Variants in NELL1 observed in about 807,000 individuals in gnomAD.
The protein encoded by NELL1 is protein kinase C-binding protein NELL1.
Under a neutral mutation model 107.4 loss-of-function variants are expected in NELL1, and 76 were observed. The ratio of observed to expected loss-of-function variants is 0.71; its 90% CI spans 0.59 to 0.86. The LOEUF is 0.86. NELL1 is among the 40% of genes least tolerant of loss of function. The pLI is 0.00. For synonymous variants in NELL1, 353 were observed against 341.2 expected (o/e 1.03, Z -0.38); for missense variants, 1,024 against 1,005.5 (o/e 1.02, Z -0.25).
intron 15 of NELL1, among the ~76,000 whole-genome samples, chr11:21,515,878 C>G (rs1381600509): frequency 4.6e-5 from 7 of 152,150 alleles, no homozygotes; most frequent in Non-Finnish European, 1.0e-4. Context: ...AAATGAAGCT[C>G]TAATGAGCTG....
Position 21,067,981 on chromosome 11 carries a change from C to T in NELL1, c.1301-45608C>T, listed in dbSNP as rs556392933. Among the ~76,000 whole-genome samples, 10 of 118,366 alleles carry T rather than the reference C, an allele frequency of 8.4e-5. No individual in the cohort carries two copies. In the East Asian group the frequency reaches 8.6e-4, roughly 10 times the overall value. 77.7% of individuals were successfully genotyped at this position (118,366 alleles called of 152,430 possible). A position where few individuals can be genotyped will look rare whatever the true frequency, so the allele number is the denominator to read the frequency against. ...TCGGGAGGCGGAGGTTGTAGTGAGC[C>T]GAGATTGCATCACTGCACTCCAGCC... On this transcript the variant is annotated intron_variant, in intron 12 of 19. Coordinates refer to ENST00000357134, the MANE Select transcript of NELL1 (RefSeq NM_006157.5).
At position 20,877,424 on chromosome 11, in the gene NELL1, A is replaced by G. The variant is rs569188412; in HGVS notation, c.507-8020A>G. On this transcript the variant is annotated intron_variant, in intron 4 of 19. Coordinates refer to ENST00000357134, the MANE Select transcript of NELL1 (RefSeq NM_006157.5). ...AAAGGTACTGTGGAGTCTCTTCAAA[A>G]ACCTTCCTTTATCCAGGTAAATAAA... Among the ~76,000 whole-genome samples the G allele has an allele frequency of 7.9e-5, 12 of 152,328 alleles. No individual in the cohort carries two copies. In the South Asian group the frequency reaches 2.5e-3, roughly 32 times the overall value.
In NELL1 at chr11:20,888,351, T is replaced by C. The variant is rs1370177464; in HGVS notation, c.603+2811T>C. 2.0e-5 allele frequency among the ~76,000 whole-genome samples: 3 copies of C among 151,810 alleles called. No individual in the cohort carries two copies. The East Asian group carries it at 5.8e-4, about 29-fold the overall frequency. On this transcript the variant is annotated intron_variant, in intron 5 of 19. Transcript: ENST00000357134. The stretch of plus-strand genomic sequence containing the variant: ...AATATGTATGCATATCTATATAAAA[T>C]GGCTGTTCTGATGCCTCTATGTTTT...
chr11:20,903,432 G>A (rs1849921993), intron 5 of NELL1, among the ~76,000 whole-genome samples: 1 of 151,974 alleles, frequency 6.6e-6, no homozygotes, highest in African/African-American at 2.4e-5. Flanking sequence ...TGTACACTTA[G>A]ACCTCCTCAT....
chr11:20,701,226 T>C (rs997842340), intron 2 of NELL1, among the ~76,000 whole-genome samples: 1 of 152,156 alleles, frequency 6.6e-6, no homozygotes, highest in Non-Finnish European at 1.5e-5. Flanking sequence ...TGGTATCTCA[T>C]TGTGGTTTTG....
At chr11:21,094,019 A>G (rs906765812) in intron 12 of NELL1, among the ~76,000 whole-genome samples, 2 of 152,218 alleles carry the variant, frequency 1.3e-5, no homozygotes, top group African/African-American at 4.8e-5. Context: ...TCCACAGTCG[A>G]AAGTCTCATC....
chr11:21,383,270 G>A (rs919571565), intron 15 of NELL1, among the ~76,000 whole-genome samples: 14 of 87,972 alleles, frequency 1.6e-4, no homozygotes, highest in African/African-American at 4.8e-4. Context: ...AGCAGTATTC[G>A]GTTTTTTTGG....
intron 14 of NELL1, among the ~76,000 whole-genome samples, chr11:21,265,187 C>T (rs992332848): frequency 6.6e-6 from 1 of 151,986 alleles, no homozygotes; most frequent in African/African-American, 2.4e-5. Flanking sequence ...CTATAAACAC[C>T]TCTATTTCAG....
chr11:21,291,439 C>T (rs2133960183), intron 14 of NELL1, among the ~76,000 whole-genome samples: 1 of 151,930 alleles, frequency 6.6e-6, no homozygotes, highest in African/African-American at 2.4e-5. Flanking sequence ...AATAGACTAC[C>T]AGCCAGAAAA....
At chr11:21,405,881 A>G (rs564983970) in intron 15 of NELL1, among the ~76,000 whole-genome samples, 24 of 151,948 alleles carry the variant, frequency 1.6e-4, no homozygotes, top group Non-Finnish European at 3.1e-4. Context: ...TTTTAACTAC[A>G]TTAGTCCTGA....
chr11:20,913,204 CATATATTTACA>C (rs1219487423), intron 5 of NELL1, among the ~76,000 whole-genome samples: 7 of 152,104 alleles, frequency 4.6e-5, no homozygotes, highest in African/African-American at 7.2e-5. Context: ...CATCTTCATC[CATATATTTACA>C]TGCCCAGCAG....
intron 14 of NELL1, among the ~76,000 whole-genome samples, chr11:21,288,088 A>C (rs553274839): frequency 6.6e-6 from 1 of 151,880 alleles, no homozygotes; most frequent in Admixed American, 6.6e-5. Context: ...GGAGAAGGAA[A>C]AAAGAGGGAA....
In NELL1 at chr11:20,868,328, A is replaced by G. The variant is rs577686284; in HGVS notation, c.507-17116A>G. Among the ~76,000 whole-genome samples, 12 of 152,360 alleles carry G rather than the reference A, an allele frequency of 7.9e-5. No individual in the cohort carries two copies. In the East Asian group the frequency reaches 1.4e-3, roughly 17 times the overall value. On this transcript the variant is annotated intron_variant, in intron 4 of 19. Transcript: ENST00000357134. Reference sequence around the variant, plus strand: ...AAGATTTCATCTATATGAAATATCTAGAATAGGAGCATTCATAGAGACAGA... The same window carrying G: ...AAGATTTCATCTATATGAAATATCTGGAATAGGAGCATTCATAGAGACAGA...
intron 10 of NELL1, among the ~76,000 whole-genome samples, chr11:20,940,041 C>G (rs1173164379): frequency 6.6e-6 from 1 of 152,124 alleles, no homozygotes; most frequent in Non-Finnish European, 1.5e-5. Context: ...AGCTAGAATC[C>G]TATGAAGGCT....
At chr11:21,413,299 T>A (rs181983770) in intron 15 of NELL1, among the ~76,000 whole-genome samples, 159 of 152,020 alleles carry the variant, frequency 1.0e-3, no homozygotes, top group Non-Finnish European at 1.6e-3. Context: ...GACCTCCTCT[T>A]ATGGTAGTTT....
intron 18 of NELL1, among the ~76,000 whole-genome samples, chr11:21,572,934 C>T (rs893922968): frequency 2.6e-5 from 4 of 151,830 alleles, no homozygotes; most frequent in Non-Finnish European, 5.9e-5. Flanking sequence ...TAATTATAGG[C>T]TGTGCTTGGC....
intron 12 of NELL1, among the ~76,000 whole-genome samples, chr11:21,096,133 G>T (rs1258196666): frequency 6.6e-6 from 1 of 152,154 alleles, no homozygotes; most frequent in African/African-American, 2.4e-5. Context: ...AGTTGCCTTT[G>T]CCCACTACCC....
chr11:20,941,061 C>T (rs544892461), intron 10 of NELL1, among the ~76,000 whole-genome samples: 16 of 152,192 alleles, frequency 1.1e-4, no homozygotes, highest in African/African-American at 3.4e-4. Context: ...ATTGCTTGAA[C>T]CCGGGAGGCG....
At chr11:20,977,735 T>C (rs1227349892) in intron 12 of NELL1, among the ~76,000 whole-genome samples, 1 of 152,232 alleles carries the variant, frequency 6.6e-6, no homozygotes, top group Non-Finnish European at 1.5e-5. Flanking sequence ...GACTCTCTAA[T>C]AACCAGCCTT....
Sources: allele counts gnomAD v4.1 joint callset (sites outside exome capture counted in the v4.1 genomes callset), GRCh38; gene constraint gnomAD v4.1.1; transcripts MANE v1.5; gene names NCBI Gene and HGNC (gene_info 2026-07-23, HGNC 2026-07-21).